The following MAPK14 variants were observed in gnomAD, a reference collection of about 807,000 sequenced individuals.
MAPK14 encodes the protein mitogen-activated protein kinase 14, also known as CSAID-binding protein.
Under a neutral mutation model 49.6 loss-of-function variants are expected in MAPK14, and 16 were observed. The observed-to-expected ratio is 0.32, with a 90% confidence interval of 0.22 to 0.49. MAPK14 has a LOEUF of 0.49. Among genes scored for constraint, MAPK14 ranks in the 20% least tolerant of loss-of-function variants. The probability of loss-of-function intolerance (pLI) is 0.99; values close to 1 mark genes in which losing one functional copy is unlikely to be tolerated. For synonymous variants in MAPK14, 142 were observed against 158.0 expected (o/e 0.90, Z 0.76); for missense variants, 200 against 441.2 (o/e 0.45, Z 4.90).
intron 3 of MAPK14, among the ~76,000 whole-genome samples, chr6:36,059,585 C>T (rs1206217984): frequency 1.3e-5 from 2 of 152,178 alleles, no homozygotes; most frequent in African/African-American, 4.8e-5. Flanking sequence ...TGAATTCTTA[C>T]AAAAGTTCCA....
At chr6:36,044,654 C>T (rs1004658037) in intron 1 of MAPK14, among the ~76,000 whole-genome samples, 3 of 151,522 alleles carry the variant, frequency 2.0e-5, no homozygotes, top group African/African-American at 4.9e-5. Flanking sequence ...GTGGGAGGAT[C>T]GCCTGAGGCC....
chr6:36,114,296 C>CTAA (rs2127480946), downstream of MAPK14, among the ~76,000 whole-genome samples: 1 of 152,324 alleles, frequency 6.6e-6, no homozygotes, highest in South Asian at 2.1e-4. Context: ...AAAGAGTTAA[C>CTAA]ACCCACTGGC....
rs887929068 is a variant in MAPK14 at position 36,064,468 on chromosome 6, C to T, written c.305+5121C>T. On this transcript the variant is annotated intron_variant, in intron 3 of 11. Coordinates refer to ENST00000229794, the MANE Select transcript of MAPK14 (RefSeq NM_139012.3). The stretch of plus-strand genomic sequence containing the variant: ...ATCCCAGGTTTCTTATACTGAATTC[C>T]TTATCTCTGCCTCATTCTTGAAGAG... 9.5e-5 allele frequency among the ~76,000 whole-genome samples: 14 copies of T among 146,944 alleles called. No homozygotes were observed. In the South Asian group the frequency reaches 2.1e-3, roughly 22 times the overall value.
downstream of MAPK14, among the ~76,000 whole-genome samples, chr6:36,115,853 G>A (rs1308525985): frequency 6.6e-6 from 1 of 151,342 alleles, no homozygotes; most frequent in African/African-American, 2.4e-5. Flanking sequence ...GCTTGAACCT[G>A]GGAGGTGGAT....
At chr6:36,089,081 T>G (rs1292324194) in intron 8 of MAPK14, among the ~76,000 whole-genome samples, 1 of 152,128 alleles carries the variant, frequency 6.6e-6, no homozygotes, top group Non-Finnish European at 1.5e-5. Flanking sequence ...TATAAATCAT[T>G]CTGTTACAAA....
chr6:36,097,317 T>G (rs1765478979), intron 9 of MAPK14: 1 of 152,232 alleles, frequency 6.6e-6, no homozygotes, highest in African/African-American at 2.4e-5. Context: ...TCTGATAACA[T>G]GATCCAAACT....
At chr6:36,106,558 G>C (rs1390790366) in intron 10 of MAPK14, among the ~76,000 whole-genome samples, 2 of 152,142 alleles carry the variant, frequency 1.3e-5, no homozygotes, top group Non-Finnish European at 2.9e-5. Context: ...GATAATAACA[G>C]TATTATGATT....
chr6:36,062,304 G>A (rs1265297504), intron 3 of MAPK14, among the ~76,000 whole-genome samples: 2 of 152,110 alleles, frequency 1.3e-5, no homozygotes, highest in African/African-American at 4.8e-5. Flanking sequence ...GTTATTTTGG[G>A]ATATGCATAA....
At chr6:36,045,370 A>C (rs1453235148) in intron 1 of MAPK14, among the ~76,000 whole-genome samples, 2 of 152,172 alleles carry the variant, frequency 1.3e-5, no homozygotes, top group African/African-American at 4.8e-5. Context: ...AGGAATAATT[A>C]TGCCTCTCTT....
At chr6:36,076,715 T>C in intron 8 of MAPK14, 107 bp downstream of exon 8, 1 of 806,854 alleles carries the variant, frequency 1.2e-6, no homozygotes, top group Non-Finnish European at 2.0e-6. Context: ...TATTTTGCTT[T>C]TATAGTCTAG....
intron 1 of MAPK14, among the ~76,000 whole-genome samples, chr6:36,046,738 A>T (rs1763193507): frequency 6.6e-6 from 1 of 152,222 alleles, no homozygotes; most frequent in Admixed American, 6.5e-5. Context: ...CCTTTTGCTG[A>T]ATAGATTCAG....
chr6:36,042,476 CTT>C (rs113286534), intron 1 of MAPK14, among the ~76,000 whole-genome samples: 5 of 102,672 alleles, frequency 4.9e-5, no homozygotes, highest in Admixed American at 1.2e-4. Flanking sequence ...GAAGGAATAT[CTT>C]TTTTTTTTTT....
intron 9 of MAPK14, 142 bp downstream of exon 9, chr6:36,096,208 AGTGTGAGTGTGTGTGTGCGTGCACGCAT>A (rs1765440078): frequency 3.2e-6 from 2 of 615,384 alleles, no homozygotes; most frequent in Non-Finnish European, 5.8e-6. Context: ...GGTATAAGAC[AGTGTGAGTGTGTGTGTGCGTGCACGCAT>A]GTGTGCCTGC....
At chr6:36,055,503 T>G (rs1199750813) in intron 2 of MAPK14, among the ~76,000 whole-genome samples, 2 of 152,228 alleles carry the variant, frequency 1.3e-5, no homozygotes, top group Non-Finnish European at 2.9e-5. Flanking sequence ...ATTTGCTGCT[T>G]ATTTGTATTA....
chr6:36,073,641 A>G, intron 4 of MAPK14, 50 bp from the exon 5 acceptor site: 1 of 1,438,848 alleles, frequency 7.0e-7, no homozygotes, highest in African/African-American at 1.4e-5. Context: ...ATGTTATATA[A>G]TATGACAATA....
chr6:36,084,826 A>G (rs1764913630), intron 8 of MAPK14, among the ~76,000 whole-genome samples: 2 of 152,136 alleles, frequency 1.3e-5, no homozygotes, highest in African/African-American at 4.8e-5. Flanking sequence ...TCCCTAGAGA[A>G]CCCCAGTAAG....
chr6:36,046,390 A>G (rs896076131), intron 1 of MAPK14, among the ~76,000 whole-genome samples: 1 of 152,220 alleles, frequency 6.6e-6, no homozygotes, highest in Non-Finnish European at 1.5e-5. Flanking sequence ...CATGAAAACA[A>G]GGTTTTACTT....
Position 36,028,579 on chromosome 6 carries a change from C to T in MAPK14, c.116+306C>T, listed in dbSNP as rs941638433. Among the ~76,000 whole-genome samples the T allele has an allele frequency of 6.6e-5, 10 of 152,216 alleles. No homozygotes were observed. Among genetic ancestry groups the T allele is most frequent in the African/African-American group, 2.4e-4 (10 of 41,458 alleles). On this transcript the variant is annotated intron_variant, in intron 1 of 11. Transcript: ENST00000229794. The surrounding 1 kb of genome is among the most constrained non-coding windows in gnomAD (Gnocchi z 5.1). The stretch of plus-strand genomic sequence containing the variant: ...CGGAGGGTTGCTGCTCGGCAACAGG[C>T]ACCGGGGGAAGGGCCGCTTCCTTGG...
At chr6:36,076,113 C>T (rs1581796420) in intron 7 of MAPK14, 151 bp downstream of exon 7, 5 of 796,132 alleles carry the variant, frequency 6.3e-6, no homozygotes, top group East Asian at 5.4e-5. Flanking sequence ...TATTTCACTT[C>T]CTCAGATGGG....
Sources: allele counts gnomAD v4.1 joint callset (sites outside exome capture counted in the v4.1 genomes callset), GRCh38; gene constraint gnomAD v4.1.1; non-coding constraint Gnocchi (gnomAD v3.1); transcripts MANE v1.5; gene names NCBI Gene and HGNC (gene_info 2026-07-23, HGNC 2026-07-21).